WDR64: variants seen among roughly 807,000 people sequenced by gnomAD.
WDR64 encodes WD repeat-containing protein 64.
WDR64 carries 112 observed loss-of-function variants against 139.3 expected under a neutral mutation model. The ratio of observed to expected loss-of-function variants is 0.80; its 90% CI spans 0.69 to 0.94. The LOEUF (loss-of-function observed/expected upper bound fraction) is 0.94, where lower values mean the gene tolerates loss of function less well. WDR64 is among the 40% of genes least tolerant of loss of function. The probability of loss-of-function intolerance (pLI) is 0.00; values close to 1 mark genes in which losing one functional copy is unlikely to be tolerated. For missense variants in WDR64, 1,206 were observed against 1,293.1 expected (o/e 0.93, Z 1.03); for synonymous variants, 444 against 437.7 (o/e 1.01, Z -0.18).
intron 12 of WDR64, among the ~76,000 whole-genome samples, chr1:241,742,200 A>G (rs890149678): frequency 6.6e-6 from 1 of 152,198 alleles, no homozygotes; most frequent in Admixed American, 6.5e-5. Flanking sequence ...GACGGCTGGA[A>G]TATGAACCCA....
chr1:241,801,064 T>C (rs1378379686), intron 27 of WDR64, 68 bp from the exon 28 acceptor site: 1 of 1,343,006 alleles, frequency 7.4e-7, no homozygotes, highest in South Asian at 1.2e-5. Flanking sequence ...GCAATACACC[T>C]TGACTCTGGA....
chr1:241,697,528 C>T (rs1667541826), intron 8 of WDR64, among the ~76,000 whole-genome samples: 1 of 152,116 alleles, frequency 6.6e-6, no homozygotes, highest in African/African-American at 2.4e-5. Context: ...TCATAGCTCA[C>T]TCCCCCAGCG....
chr1:241,673,361 G>A (rs1472085921), intron 3 of WDR64, among the ~76,000 whole-genome samples: 1 of 152,308 alleles, frequency 6.6e-6, no homozygotes, highest in East Asian at 1.9e-4. Context: ...AGTCTGTAGT[G>A]TGGAAGGGGT....
intron 10 of WDR64, among the ~76,000 whole-genome samples, chr1:241,724,369 T>G (rs2148202799): frequency 6.6e-6 from 1 of 152,196 alleles, no homozygotes; most frequent in East Asian, 1.9e-4. Flanking sequence ...AAGCATATCA[T>G]AAAGCCAAAA....
At chr1:241,749,482 G>A (rs1269445203) in intron 13 of WDR64, 65 bp from the exon 14 acceptor site, 7 of 1,547,610 alleles carry the variant, frequency 4.5e-6, no homozygotes, top group African/African-American at 2.8e-5. Flanking sequence ...AATTTTCTCT[G>A]AGCGAAAAGC....
At chr1:241,708,693 T>A in intron 8 of WDR64, among the ~76,000 whole-genome samples, 1 of 47,744 alleles carries the variant, frequency 2.1e-5, no homozygotes, top group East Asian at 3.1e-4. Flanking sequence ...AGGTCCATGG[T>A]TTTTTTTTTT....
intron 14 of WDR64, among the ~76,000 whole-genome samples, chr1:241,750,395 A>G (rs1669934981): frequency 1.3e-5 from 2 of 152,232 alleles, no homozygotes; most frequent in South Asian, 2.1e-4. Flanking sequence ...TGTATAGCAC[A>G]GCAATCATGA....
At position 241,735,886 on chromosome 1, in the gene WDR64, T is replaced by C. The variant is rs183739421; in HGVS notation, c.1195-2477T>C. 3.7e-3 allele frequency among the ~76,000 whole-genome samples: 560 copies of C among 150,724 alleles called. 2 individuals are homozygous for C. Among genetic ancestry groups the C allele is most frequent in the Admixed American group, 5.8e-3 (88 of 15,088 alleles). On this transcript the variant is annotated intron_variant, in intron 10 of 27. Transcript: ENST00000437684. ...GTGTGTGTGTGTGTGTGTGTGTGTG[T>C]GTGTCTATATGCTCACTCCTTCCAA...
rs1002365917 is a variant in WDR64, at chr1:241,745,436, A to G, written c.1594+920A>G. Among the ~76,000 whole-genome samples the G allele has an allele frequency of 4.9e-5, 7 of 144,242 alleles. 1 individual carries two copies. Among genetic ancestry groups the G allele is most frequent in the African/African-American group, 2.1e-4 (7 of 33,972 alleles). The allele number at this position is 144,242 out of a possible 152,430, so 94.6% of individuals were successfully genotyped here. On this transcript the variant is annotated intron_variant, in intron 13 of 27. Coordinates refer to ENST00000437684, the MANE Select transcript of WDR64 (RefSeq NM_001367482.1). ...GCATAGACATGAAATGTGGTTGTTGAGATTCTGAGCAATGTACACAATTAT... is the reference window on the plus strand; with the variant it reads ...GCATAGACATGAAATGTGGTTGTTGGGATTCTGAGCAATGTACACAATTAT...
chr1:241,712,006 C>A, intron 9 of WDR64, 125 bp downstream of exon 9: 1 of 916,764 alleles, frequency 1.1e-6, no homozygotes, highest in South Asian at 1.6e-5. Context: ...ATCTGTTTGT[C>A]TTTTTCTTTC....
Position 241,802,104 on chromosome 1 carries a change from GT to G in WDR64, c.*893del, listed in dbSNP as rs1204508252. On this transcript the variant is annotated 3_prime_UTR_variant, in exon 28 of 28. Transcript: ENST00000437684. ...AAAATAAACAAGAATCTTTATAAAA[GT>G]TTTATAAAGTTATTAATAATAACTC... The G allele has an allele frequency of 5.0e-6, 2 of 397,588 alleles. No homozygotes were observed. The highest frequency in any genetic ancestry group is 2.1e-5 in the African/African-American group (1 of 48,492). 24.6% of individuals were successfully genotyped at this position (397,588 alleles called of 1,614,324 possible). A position where few individuals can be genotyped will look rare whatever the true frequency, so the allele number is the denominator to read the frequency against.
chr1:241,787,275 A>G (rs1403586607), intron 23 of WDR64, among the ~76,000 whole-genome samples: 2 of 150,394 alleles, frequency 1.3e-5, no homozygotes, highest in Non-Finnish European at 3.0e-5. Context: ...GAGGCAGGAG[A>G]ATGGCATGAA....
At chr1:241,727,143 T>C (rs918727458) in intron 10 of WDR64, among the ~76,000 whole-genome samples, 2 of 152,182 alleles carry the variant, frequency 1.3e-5, no homozygotes, top group Non-Finnish European at 2.9e-5. Context: ...TGCCTCAGCC[T>C]CCCAAAGTGC....
rs567497007 is a variant in WDR64 at position 241,699,864 on chromosome 1, G to A, written c.975-11938G>A. Among the ~76,000 whole-genome samples, 114 of 152,216 alleles carry A rather than the reference G, an allele frequency of 7.5e-4. 2 individuals are homozygous for A. The highest frequency in any genetic ancestry group is 2.7e-3 in the African/African-American group (114 of 41,552). On this transcript the variant is annotated intron_variant, in intron 8 of 27. Coordinates refer to ENST00000437684, the MANE Select transcript of WDR64 (RefSeq NM_001367482.1). ...GAAAAGACCTGCATACCATGCTAAAGAGTTGGGATTTTAACCTGAAAGCTA... is the reference window on the plus strand; with the variant it reads ...GAAAAGACCTGCATACCATGCTAAAAAGTTGGGATTTTAACCTGAAAGCTA...
chr1:241,755,037 G>C (rs2148272440), intron 14 of WDR64, among the ~76,000 whole-genome samples: 1 of 152,318 alleles, frequency 6.6e-6, no homozygotes, highest in African/African-American at 2.4e-5. Context: ...AGATAGGTGT[G>C]CATGTGTCTT....
intron 23 of WDR64, 69 bp from the exon 24 acceptor site, chr1:241,787,780 C>A (rs1659092090): frequency 7.3e-7 from 1 of 1,365,702 alleles, no homozygotes; most frequent in Non-Finnish European, 9.9e-7. Flanking sequence ...CATAAACGAT[C>A]TAATGAACAG....
intron 10 of WDR64, among the ~76,000 whole-genome samples, chr1:241,727,201 T>G (rs1574046594): frequency 1.3e-5 from 2 of 152,186 alleles, no homozygotes; most frequent in Admixed American, 6.5e-5. Context: ...AAATTTTAAT[T>G]TTTTTAAGTA....
At chr1:241,777,499 T>C (rs1252408531) in intron 21 of WDR64, among the ~76,000 whole-genome samples, 1 of 151,624 alleles carries the variant, frequency 6.6e-6, no homozygotes, top group East Asian at 1.9e-4. Context: ...CTCACCCCAA[T>C]CTTCGCCTCC....
intron 19 of WDR64, among the ~76,000 whole-genome samples, chr1:241,772,057 A>G (rs1658475493): frequency 6.9e-6 from 1 of 144,546 alleles, no homozygotes; most frequent in East Asian, 2.1e-4. Context: ...TTTCATTATG[A>G]TGATGCCTTC....
Sources: allele counts gnomAD v4.1 joint callset (sites outside exome capture counted in the v4.1 genomes callset), GRCh38; gene constraint gnomAD v4.1.1; transcripts MANE v1.5; gene names NCBI Gene and HGNC (gene_info 2026-07-23, HGNC 2026-07-21).